The following EPB41L4A variants were observed in gnomAD, a reference collection of about 807,000 sequenced individuals.
EPB41L4A encodes the protein erythrocyte membrane protein band 4.1 like 4A, also known as band 4.1-like protein 4A.
Under a neutral mutation model 108.6 loss-of-function variants are expected in EPB41L4A, and 100 were observed. The observed-to-expected ratio is 0.92, with a 90% CI of 0.78 to 1.09. The LOEUF is 1.09. Ranked by LOEUF, EPB41L4A falls within the 50% of genes least tolerant of loss-of-function variation. The pLI is 0.00. For missense variants in EPB41L4A, 1,030 were observed against 842.7 expected (o/e 1.22, Z -2.75); for synonymous variants, 319 against 289.0 (o/e 1.10, Z -1.05).
chr5:112,280,130 C>T, intron 3 of EPB41L4A, 142 bp downstream of exon 3: 1 of 736,860 alleles, frequency 1.4e-6, no homozygotes. Context: ...GCACACAATA[C>T]ACACATTCCC....
At chr5:112,259,825 C>G in intron 8 of EPB41L4A, 66 bp downstream of exon 8, 3 of 1,144,792 alleles carry the variant, frequency 2.6e-6, no homozygotes, top group South Asian at 1.3e-5. Flanking sequence ...CCAACTCTTT[C>G]ACTGACACAG....
chr5:112,164,928 G>A lies in EPB41L4A; in HGVS notation c.*62C>T. 1 of 1,466,806 alleles carries A rather than the reference G, an allele frequency of 6.8e-7. No homozygotes were observed. Among genetic ancestry groups the A allele is most frequent in the Non-Finnish European group, 9.1e-7 (1 of 1,102,736 alleles). The allele number at this position is 1,466,806 out of a possible 1,614,324, so 90.9% of individuals were successfully genotyped here. A position where few individuals can be genotyped will look rare whatever the true frequency, so the allele number is the denominator to read the frequency against. On this transcript the variant is annotated 3_prime_UTR_variant, in exon 23 of 23. Coordinates refer to ENST00000261486, the MANE Select transcript of EPB41L4A (RefSeq NM_022140.5). ...TTTGAATTAAGATACCTATTTCACA[G>A]TTTCAAAAGTACCAGTGGCGCACAC...
At chr5:112,248,528 A>G (rs1211987812) in intron 9 of EPB41L4A, among the ~76,000 whole-genome samples, 3 of 152,182 alleles carry the variant, frequency 2.0e-5, no homozygotes, top group African/African-American at 7.2e-5. Context: ...AGATTGAGTC[A>G]CTTCTAAGTC....
chr5:112,218,655 T>A (rs1747821021), intron 12 of EPB41L4A, among the ~76,000 whole-genome samples: 2 of 152,220 alleles, frequency 1.3e-5, no homozygotes, highest in Admixed American at 1.3e-4. Flanking sequence ...ATTTTAATAG[T>A]AAATAAAGTA....
intron 1 of EPB41L4A, among the ~76,000 whole-genome samples, chr5:112,389,653 A>G (rs1760796626): frequency 6.6e-6 from 1 of 152,174 alleles, no homozygotes; most frequent in Non-Finnish European, 1.5e-5. Flanking sequence ...TGCCTTCTTT[A>G]GCTTTTTTTC....
intron 9 of EPB41L4A, among the ~76,000 whole-genome samples, chr5:112,253,319 G>C (rs927760187): frequency 3.3e-5 from 5 of 152,100 alleles, no homozygotes; most frequent in Admixed American, 6.6e-5. Flanking sequence ...CATAACCTTA[G>C]TCTAATCATG....
intron 1 of EPB41L4A, among the ~76,000 whole-genome samples, chr5:112,343,355 T>A (rs1757440103): frequency 6.6e-6 from 1 of 152,140 alleles, no homozygotes; most frequent in South Asian, 2.1e-4. Flanking sequence ...CTGCCTGGGT[T>A]TGAATTTCAA....
At chr5:112,178,890 A>G (rs536082442) in intron 18 of EPB41L4A, among the ~76,000 whole-genome samples, 29 of 152,002 alleles carry the variant, frequency 1.9e-4, no homozygotes, top group Middle Eastern at 3.4e-3. Flanking sequence ...AAAAAGAATA[A>G]AAAGTACAGT....
At chr5:112,245,887 AAG>A (rs952068666) in intron 9 of EPB41L4A, among the ~76,000 whole-genome samples, 3 of 152,324 alleles carry the variant, frequency 2.0e-5, no homozygotes, top group Middle Eastern at 3.4e-3. Context: ...AGAGGCTGGG[AAG>A]AGAGAGTGCA....
chr5:112,360,281 C>A lies in EPB41L4A; in HGVS notation c.100-52791G>T, dbSNP rs1469252589. Among the ~76,000 whole-genome samples, 3 of 151,972 alleles carry A rather than the reference C, an allele frequency of 2.0e-5. No individual in the cohort carries two copies. In the East Asian group the frequency reaches 5.8e-4, roughly 29 times the overall value. On this transcript the variant is annotated intron_variant, in intron 1 of 22. Transcript: ENST00000261486. ...CTACAAATAATAAACTGACCCTCGA[C>A]CCTCTCCCCTCTCCCCTTTGCACGG...
intron 1 of EPB41L4A, among the ~76,000 whole-genome samples, chr5:112,407,734 C>G (rs571514487): frequency 2.6e-5 from 4 of 152,268 alleles, no homozygotes; most frequent in Admixed American, 1.3e-4. Context: ...TAACAACACT[C>G]AGAGCTTATA....
At chr5:112,156,980 T>C (rs1185769480) in intron 12 of EPB41L4A, among the ~76,000 whole-genome samples, 5 of 152,098 alleles carry the variant, frequency 3.3e-5, no homozygotes, top group Non-Finnish European at 7.4e-5. Flanking sequence ...CTGAAAAAGA[T>C]CATGGTGTCT....
At chr5:112,302,351 A>G (rs13160791) in intron 2 of EPB41L4A, among the ~76,000 whole-genome samples, 10,527 of 152,206 alleles carry the variant, frequency 0.069, 439 homozygotes, top group Middle Eastern at 0.095. Context: ...AAAAGAAAAA[A>G]AAATCTTGAA....
intron 1 of EPB41L4A, among the ~76,000 whole-genome samples, chr5:112,338,446 C>T (rs1757060056): frequency 6.6e-6 from 1 of 152,178 alleles, no homozygotes; most frequent in South Asian, 2.1e-4. Context: ...TGCTGTTAAC[C>T]TGAACAAGCC....
At chr5:112,333,650 T>C (rs1379004169) in intron 1 of EPB41L4A, among the ~76,000 whole-genome samples, 7 of 152,314 alleles carry the variant, frequency 4.6e-5, no homozygotes, top group Non-Finnish European at 4.4e-5. Context: ...ACACACCGTA[T>C]GAGTTGCAGT....
intron 1 of EPB41L4A, among the ~76,000 whole-genome samples, chr5:112,388,375 A>C (rs973800429): frequency 1.2e-4 from 19 of 152,182 alleles, no homozygotes; most frequent in African/African-American, 4.6e-4. Flanking sequence ...CACCTGGCCC[A>C]GGTCACTTGG....
intron 1 of EPB41L4A, among the ~76,000 whole-genome samples, chr5:112,330,296 C>G (rs1756479722): frequency 6.6e-6 from 1 of 151,974 alleles, no homozygotes; most frequent in South Asian, 2.1e-4. Flanking sequence ...GTTAAGGTCT[C>G]ATTCTTACCA....
At chr5:112,400,468 G>A (rs1761670634) in intron 1 of EPB41L4A, among the ~76,000 whole-genome samples, 1 of 152,126 alleles carries the variant, frequency 6.6e-6, no homozygotes, top group Non-Finnish European at 1.5e-5. Context: ...CTTCTGGGGA[G>A]GCCTCAGAGA....
intron 12 of EPB41L4A, among the ~76,000 whole-genome samples, chr5:112,234,387 G>C (rs190367818): frequency 8.4e-4 from 125 of 148,636 alleles, no homozygotes; most frequent in Admixed American, 1.9e-3. Context: ...ACTCAAAAAA[G>C]AAAAAAAAAG....
Sources: allele counts gnomAD v4.1 joint callset (sites outside exome capture counted in the v4.1 genomes callset), GRCh38; gene constraint gnomAD v4.1.1; transcripts MANE v1.5; gene names NCBI Gene and HGNC (gene_info 2026-07-23, HGNC 2026-07-21).